Variants in MAPDA observed in about 807,000 individuals in gnomAD.
MAPDA encodes the protein N6,N6-dimethyl-AMP deaminase.
the MAPDA span, chr15:43,347,177 C>T: frequency 8.7e-7 from 1 of 1,155,886 alleles, no homozygotes; most frequent in Non-Finnish European, 1.2e-6. Flanking sequence ...TAGGAATAAA[C>T]CGGGATTGGA....
the MAPDA span, chr15:43,343,168 TAATC>T: frequency 1.2e-6 from 1 of 843,078 alleles, no homozygotes; most frequent in Admixed American, 3.2e-5. Context: ...TTTTTAAAAT[TAATC>T]ATTCATTGAT....
the MAPDA span, chr15:43,349,298 A>G: frequency 8.3e-7 from 1 of 1,205,654 alleles, no homozygotes; most frequent in Non-Finnish European, 1.0e-6. Context: ...GAACTCAATA[A>G]GAATTTTTTA....
the MAPDA span, chr15:43,335,808 A>G: frequency 2.5e-6 from 4 of 1,613,586 alleles, no homozygotes; most frequent in Non-Finnish European, 3.4e-6. Context: ...GACAAGGGAA[A>G]GAAAAGAACT....
At chr15:43,341,817 T>C in the MAPDA span, among the ~76,000 whole-genome samples, 2 of 152,138 alleles carry the variant, frequency 1.3e-5, no homozygotes, top group Admixed American at 6.5e-5. Context: ...ACAGTAGTTA[T>C]CTCTGGGTGG....
chr15:43,349,349 C>T, the MAPDA span: 5 of 1,042,674 alleles, frequency 4.8e-6, no homozygotes, highest in Non-Finnish European at 3.6e-6. Context: ...ATGACTTTAA[C>T]AAAATTGACA....
chr15:43,336,223 T>G, the MAPDA span, among the ~76,000 whole-genome samples: 1 of 152,084 alleles, frequency 6.6e-6, no homozygotes, highest in African/African-American at 2.4e-5. Context: ...TTTTTAATTT[T>G]TTTAGAGATG....
At chr15:43,342,781 C>G in the MAPDA span, among the ~76,000 whole-genome samples, 5 of 149,872 alleles carry the variant, frequency 3.3e-5, no homozygotes, top group Admixed American at 3.3e-4. Flanking sequence ...TTTTTCATTT[C>G]ATTTCTCTAA....
chr15:43,335,063 A>C, the MAPDA span: 1 of 1,576,792 alleles, frequency 6.3e-7, no homozygotes. Flanking sequence ...CATATTGCTC[A>C]TACTAAGAAT....
the MAPDA span, among the ~76,000 whole-genome samples, chr15:43,334,633 T>TTATATATA: frequency 0.02 from 1,282 of 65,092 alleles, 128 homozygotes; most frequent in Non-Finnish European, 0.035. Flanking sequence ...CTCAAAAAAA[T>TTATATATA]TATATATATA....
the MAPDA span, chr15:43,335,037 A>T: frequency 6.7e-7 from 1 of 1,485,820 alleles, no homozygotes; most frequent in Non-Finnish European, 9.3e-7. Flanking sequence ...CATACAATTT[A>T]CTGACTGAAA....
the MAPDA span, chr15:43,349,328 A>T: frequency 8.9e-7 from 1 of 1,124,760 alleles, no homozygotes; most frequent in Non-Finnish European, 1.1e-6. Context: ...AGGGTCATCT[A>T]GAATTTTAAA....
chr15:43,351,393 GCT>G, the MAPDA span: 1 of 318,636 alleles, frequency 3.1e-6, no homozygotes, highest in Non-Finnish European at 5.7e-6. Context: ...CTCTGGTTTG[GCT>G]CTCTAGCAAA....
chr15:43,347,153 C>T, the MAPDA span: 1 of 1,374,170 alleles, frequency 7.3e-7, no homozygotes. Context: ...ATAATAGGGT[C>T]ATTTGTAAGT....
At chr15:43,345,334 G>A in the MAPDA span, among the ~76,000 whole-genome samples, 1 of 136,368 alleles carries the variant, frequency 7.3e-6, no homozygotes, top group African/African-American at 2.9e-5. Flanking sequence ...CAGCCTGGGC[G>A]ACAGAGTGAG....
At chr15:43,353,212 C>T in the MAPDA span, 1 of 152,080 alleles carries the variant, frequency 6.6e-6, no homozygotes, top group African/African-American at 2.4e-5. Flanking sequence ...CTTACATAAA[C>T]ACACATACTG....
chr15:43,343,087 G>A, the MAPDA span: 2 of 1,528,110 alleles, frequency 1.3e-6, no homozygotes, highest in Non-Finnish European at 1.8e-6. Context: ...TAAGAAGATT[G>A]TACCTTAGTA....
the MAPDA span, chr15:43,332,325 TC>T: frequency 5.9e-5 from 9 of 151,714 alleles, no homozygotes; most frequent in Non-Finnish European, 1.2e-4. Context: ...GATCCTCACC[TC>T]TAAAATGAGA....
At chr15:43,342,954 G>T in the MAPDA span, 2 of 1,405,956 alleles carry the variant, frequency 1.4e-6, no homozygotes, top group Non-Finnish European at 9.8e-7. Flanking sequence ...TGAAATAGTT[G>T]ATGATCTCTT....
At chr15:43,350,565 C>G in the MAPDA span, among the ~76,000 whole-genome samples, 3 of 152,138 alleles carry the variant, frequency 2.0e-5, no homozygotes, top group African/African-American at 4.8e-5. Context: ...TTGGCTTCCA[C>G]CATTAGACCA....
Sources: allele counts gnomAD v4.1 joint callset (sites outside exome capture counted in the v4.1 genomes callset), GRCh38; gene constraint gnomAD v4.1.1; transcripts MANE v1.5; gene names NCBI Gene and HGNC (gene_info 2026-07-23, HGNC 2026-07-21).